The following GABRG3 variants were observed in gnomAD, a reference collection of about 807,000 sequenced individuals.
GABRG3 encodes the protein gamma-aminobutyric acid receptor subunit gamma-3.
GABRG3 carries 25 observed loss-of-function variants against 48.8 expected under a neutral mutation model. The observed-to-expected ratio is 0.51, with a 90% confidence interval of 0.37 to 0.72. GABRG3 has a LOEUF of 0.72. GABRG3 is among the 30% of genes least tolerant of loss of function. The pLI, the probability that GABRG3 is intolerant of heterozygous loss-of-function variation, is 0.00. For synonymous variants in GABRG3, 227 were observed against 217.6 expected, an observed-to-expected ratio of 1.04 and a Z score of -0.38; for missense variants, 394 against 577.9, an observed-to-expected ratio of 0.68 and a Z score of 3.26.
rs1566897104 is a variant in GABRG3 at position 26,974,847 on chromosome 15, TTATTA to T, written c.54-2153_54-2149del. On this transcript the variant is annotated intron_variant, in intron 1 of 9. Coordinates refer to ENST00000615808, the MANE Select transcript of GABRG3 (RefSeq NM_033223.5). The surrounding 1 kb of genome is among the most constrained non-coding windows in gnomAD (Gnocchi z 4.3). ...TGACACGAAATATTTTTTAAATTTA[TTATTA>T]TTATTATTATTATTATTATTATTAT... 2.2e-3 allele frequency among the ~76,000 whole-genome samples: 41 copies of T among 18,664 alleles called. No individual in the cohort carries two copies. Among genetic ancestry groups the T allele is most frequent in the African/African-American group, 0.013 (36 of 2,780 alleles). The allele number at this position is 18,664 out of a possible 152,430, so 12.2% of individuals were successfully genotyped here. A position where few individuals can be genotyped will look rare whatever the true frequency, so the allele number is the denominator to read the frequency against.
intron 3 of GABRG3, among the ~76,000 whole-genome samples, chr15:27,196,293 C>G (rs1198054843): frequency 6.6e-6 from 1 of 152,122 alleles, no homozygotes; most frequent in African/African-American, 2.4e-5. Flanking sequence ...TCACCAAGAC[C>G]TTGCTCCCCT....
chr15:27,477,353 A>T (rs1889970840), intron 5 of GABRG3, among the ~76,000 whole-genome samples: 2 of 152,284 alleles, frequency 1.3e-5, no homozygotes, highest in South Asian at 4.1e-4. Flanking sequence ...GTCCAACCTT[A>T]AGACAGTCTA....
rs111551227 is a variant in GABRG3 at position 27,378,999 on chromosome 15, T to C, written c.574+50111T>C. ...CCCTGTGCATAAGTTTGTGTATGAA[T>C]GTGTATGTATGTGGATATGTGAATG... On this transcript the variant is annotated intron_variant, in intron 5 of 9. Transcript: ENST00000615808. Among the ~76,000 whole-genome samples, 601 of 152,280 alleles carry C rather than the reference T, an allele frequency of 3.9e-3. 5 individuals carry two copies. Among genetic ancestry groups the C allele is most frequent in the African/African-American group, 0.014 (570 of 41,576 alleles).
intron 6 of GABRG3, among the ~76,000 whole-genome samples, chr15:27,497,111 T>TC (rs553191026): frequency 9.1e-4 from 139 of 152,318 alleles, no homozygotes; most frequent in African/African-American, 3.2e-3. Context: ...CTCATCAGTA[T>TC]CCCCCTCATG....
Position 27,528,009 on chromosome 15 carries a change from A to G in GABRG3, c.1122+17A>G, listed in dbSNP as rs1057339037. On this transcript the variant is annotated intron_variant, in intron 9 of 9. Coordinates refer to ENST00000615808, the MANE Select transcript of GABRG3 (RefSeq NM_033223.5). ...GCCCCTTCCGTACGTATAGCATTGC[A>G]GGTGCCAATATTTCTGAGAACTTTC... 1.3e-5 allele frequency: 20 copies of G among 1,570,764 alleles called. No individual in the cohort carries two copies. The highest frequency in any genetic ancestry group is 1.7e-5 in the Non-Finnish European group (19 of 1,150,796).
At chr15:27,052,197 G>A (rs1345381356) in intron 3 of GABRG3, among the ~76,000 whole-genome samples, 1 of 152,184 alleles carries the variant, frequency 6.6e-6, no homozygotes, top group Non-Finnish European at 1.5e-5. Context: ...TGTGTTCTCT[G>A]TCCCACCCCC....
chr15:27,374,115 ATTTTCTTTCC>A (rs1895505145), intron 5 of GABRG3, among the ~76,000 whole-genome samples: 1 of 137,246 alleles, frequency 7.3e-6, no homozygotes, highest in Non-Finnish European at 1.6e-5. Flanking sequence ...GTATCCTAGA[ATTTTCTTTCC>A]TTTTCTTTTC....
At chr15:27,038,617 T>A (rs1037295128) in intron 3 of GABRG3, among the ~76,000 whole-genome samples, 1 of 152,194 alleles carries the variant, frequency 6.6e-6, no homozygotes, top group Non-Finnish European at 1.5e-5. Context: ...TGGCACAGAC[T>A]GTGTCGATAT....
At chr15:27,380,657 G>A (rs1895737690) in intron 5 of GABRG3, among the ~76,000 whole-genome samples, 1 of 151,494 alleles carries the variant, frequency 6.6e-6, no homozygotes, top group Non-Finnish European at 1.5e-5. Context: ...TCCCTAGAGA[G>A]TTGTTCTTAA....
intron 3 of GABRG3, among the ~76,000 whole-genome samples, chr15:27,073,803 T>C (rs2140737088): frequency 6.6e-6 from 1 of 152,248 alleles, no homozygotes; most frequent in South Asian, 2.1e-4. Context: ...CGGCCCTGGC[T>C]GGGTTTCCAT....
At chr15:27,486,356 G>C (rs186967386) in intron 6 of GABRG3, among the ~76,000 whole-genome samples, 2 of 152,102 alleles carry the variant, frequency 1.3e-5, no homozygotes, top group African/African-American at 4.8e-5. Flanking sequence ...GGCTGCTCTC[G>C]CATGGCTATG....
rs147259580 is a variant in GABRG3 at position 27,135,167 on chromosome 15, G to A, written c.270+108346G>A. On this transcript the variant is annotated intron_variant, in intron 3 of 9. Coordinates refer to ENST00000615808, the MANE Select transcript of GABRG3 (RefSeq NM_033223.5). Reference sequence around the variant, plus strand: ...GAGAAATGCTTATGTAGGCAGTGATGCCTCTTTTCTATCATGGTAAATTTC... The same window carrying A: ...GAGAAATGCTTATGTAGGCAGTGATACCTCTTTTCTATCATGGTAAATTTC... Among the ~76,000 whole-genome samples, 294 of 152,292 alleles carry A rather than the reference G, an allele frequency of 1.9e-3. 5 individuals carry two copies. Among genetic ancestry groups the A allele is most frequent in the African/African-American group, 6.8e-3 (283 of 41,560 alleles).
intron 5 of GABRG3, among the ~76,000 whole-genome samples, chr15:27,477,184 T>C (rs528008605): frequency 3.9e-5 from 6 of 152,322 alleles, no homozygotes; most frequent in African/African-American, 1.2e-4. Flanking sequence ...GCAACCAAGA[T>C]GGCTTTCAGT....
At chr15:27,040,979 G>C (rs953048799) in intron 3 of GABRG3, among the ~76,000 whole-genome samples, 3 of 152,108 alleles carry the variant, frequency 2.0e-5, no homozygotes, top group Non-Finnish European at 2.9e-5. Context: ...AGGTGTGCTC[G>C]TGCGGGGAGA....
At chr15:27,135,266 T>C (rs1359331100) in intron 3 of GABRG3, among the ~76,000 whole-genome samples, 2 of 152,210 alleles carry the variant, frequency 1.3e-5, no homozygotes, top group Non-Finnish European at 2.9e-5. Context: ...AACTAGGAAC[T>C]GATCTTAATC....
chr15:27,380,522 G>A (rs1332340163), intron 5 of GABRG3, among the ~76,000 whole-genome samples: 5 of 151,552 alleles, frequency 3.3e-5, no homozygotes, highest in Non-Finnish European at 1.5e-5. Context: ...AGTCTTTATT[G>A]TGAGGTTTTA....
intron 3 of GABRG3, among the ~76,000 whole-genome samples, chr15:27,075,921 A>C (rs891593413): frequency 1.3e-5 from 2 of 152,146 alleles, no homozygotes; most frequent in African/African-American, 4.8e-5. Flanking sequence ...CTGTTCTACC[A>C]TGTGCTGGTC....
chr15:27,393,762 G>A (rs191345818), intron 5 of GABRG3, among the ~76,000 whole-genome samples: 47 of 152,268 alleles, frequency 3.1e-4, no homozygotes, highest in African/African-American at 1.1e-3. Context: ...TTTCTGTTGA[G>A]CATATACTAT....
At chr15:27,342,096 C>A (rs865862873) in intron 5 of GABRG3, among the ~76,000 whole-genome samples, 2 of 152,184 alleles carry the variant, frequency 1.3e-5, no homozygotes, top group East Asian at 1.9e-4. Context: ...GCCACTGCCA[C>A]GTCATCGCAG....
Sources: allele counts gnomAD v4.1 joint callset (sites outside exome capture counted in the v4.1 genomes callset), GRCh38; gene constraint gnomAD v4.1.1; non-coding constraint Gnocchi (gnomAD v3.1); transcripts MANE v1.5; gene names NCBI Gene and HGNC (gene_info 2026-07-23, HGNC 2026-07-21).